CHD6: variants seen among roughly 807,000 people sequenced by gnomAD.
CHD6 encodes the protein chromodomain helicase DNA binding protein 6, also known as ATP-dependent chromatin remodeler CHD6.
A neutral mutation model predicts 276.9 loss-of-function variants in CHD6; 50 were observed. The ratio of observed to expected loss-of-function variants is 0.18; its 90% CI spans 0.14 to 0.23. The LOEUF is 0.23. Among genes scored for constraint, CHD6 ranks in the 10% least tolerant of loss-of-function variants. The pLI, the probability that CHD6 is intolerant of heterozygous loss-of-function variation, is 1.00. For synonymous variants in CHD6, 1,173 were observed against 1,229.3 expected (o/e 0.95, Z 0.96); for missense variants, 2,564 against 3,365.8 (o/e 0.76, Z 5.89).
At chr20:41,544,960 C>T (rs73265433) in intron 2 of CHD6, among the ~76,000 whole-genome samples, 7,621 of 152,040 alleles carry the variant, frequency 0.05, 655 homozygotes, top group African/African-American at 0.18. Flanking sequence ...GTTCAAACTC[C>T]CATCTCATGC....
intron 1 of CHD6, among the ~76,000 whole-genome samples, chr20:41,560,616 C>T (rs1022280981): frequency 3.9e-5 from 6 of 152,132 alleles, no homozygotes; most frequent in Non-Finnish European, 8.8e-5. Context: ...GCACTCAGTG[C>T]CTGACATTTG....
intron 8 of CHD6, among the ~76,000 whole-genome samples, chr20:41,494,707 G>A (rs1471847307): frequency 6.6e-6 from 1 of 152,140 alleles, no homozygotes; most frequent in East Asian, 1.9e-4. Flanking sequence ...GTGCTGAAGA[G>A]CTCTTACTGC....
chr20:41,453,383 ATATTCCTGCT>A (rs536558494), intron 20 of CHD6, among the ~76,000 whole-genome samples: 3,339 of 152,294 alleles, frequency 0.022, 47 homozygotes, highest in Non-Finnish European at 0.038. Flanking sequence ...AGACAAACGC[ATATTCCTGCT>A]TTATTTATCT....
At chr20:41,472,525 C>T (rs969187914) in intron 17 of CHD6, among the ~76,000 whole-genome samples, 14 of 152,328 alleles carry the variant, frequency 9.2e-5, no homozygotes, top group African/African-American at 2.9e-4. Flanking sequence ...ATGCGATATA[C>T]ACTTAAGATG....
intron 1 of CHD6, among the ~76,000 whole-genome samples, chr20:41,612,880 TTTC>T (rs2045901067): frequency 6.6e-6 from 1 of 152,158 alleles, no homozygotes; most frequent in Admixed American, 6.5e-5. Flanking sequence ...TAAACTGATT[TTTC>T]TTCTATTCAA....
At chr20:41,499,787 T>C (rs1399466025) in intron 5 of CHD6, among the ~76,000 whole-genome samples, 2 of 152,144 alleles carry the variant, frequency 1.3e-5, no homozygotes, top group African/African-American at 2.4e-5. Context: ...TCCAAATATA[T>C]TAAAATAGGA....
In CHD6 at chr20:41,498,186, T is replaced by C; in HGVS notation, c.956A>G (p.Tyr319Cys). Reference protein sequence around the residue: ...GEPPFDLELFYVKYRNFSYLH... With the variant: ...GEPPFDLELFCVKYRNFSYLH... Reference sequence around the variant, plus strand: ...GACGTACAAATTTCTATACTTAACGTAGAACAGCTCCAAGTCGAACGGAGG... The same window carrying C: ...GACGTACAAATTTCTATACTTAACGCAGAACAGCTCCAAGTCGAACGGAGG... The change falls in exon 7 of 37, where the codon TAC becomes TGC. Residue 319 changes from tyrosine to cysteine, a missense_variant. Transcript: ENST00000373233. 1.2e-6 allele frequency: 2 copies of C among 1,611,410 alleles called. No homozygotes were observed. The highest frequency in any genetic ancestry group is 1.7e-6 in the Non-Finnish European group (2 of 1,178,734).
chr20:41,452,748 G>A lies in CHD6; in HGVS notation c.3315C>T (p.Leu1105=), dbSNP rs1178256259. ...AECFRVEKNL[L]IFGWGRWKDI... Reference sequence around the variant, plus strand: ...GCAGAGCCAATACCCACCCAAAGATGAGCAGGTTCTTCTCTACCCGGAAGC... The same window carrying A: ...GCAGAGCCAATACCCACCCAAAGATAAGCAGGTTCTTCTCTACCCGGAAGC... The change falls in exon 21 of 37, where the codon CTC becomes CTT. Residue 1105 remains leucine, a synonymous_variant. Coordinates refer to ENST00000373233, the MANE Select transcript of CHD6 (RefSeq NM_032221.5). The surrounding 1 kb of genome is among the most constrained non-coding windows in gnomAD (Gnocchi z 4.2). 2.5e-6 allele frequency: 4 copies of A among 1,612,926 alleles called. No homozygotes were observed. Among genetic ancestry groups the A allele is most frequent in the Non-Finnish European group, 3.4e-6 (4 of 1,179,760 alleles).
At chr20:41,555,002 G>A (rs1356417067) in intron 1 of CHD6, among the ~76,000 whole-genome samples, 1 of 150,422 alleles carries the variant, frequency 6.6e-6, no homozygotes, top group African/African-American at 2.5e-5. Flanking sequence ...GGCTGGCCGG[G>A]CGGGGGGCTG....
At chr20:41,510,289 GC>G (rs2044085941) in intron 5 of CHD6, among the ~76,000 whole-genome samples, 1 of 152,208 alleles carries the variant, frequency 6.6e-6, no homozygotes, top group Non-Finnish European at 1.5e-5. Flanking sequence ...TCCTCAGGAA[GC>G]CCAGTATGTA....
intron 1 of CHD6, among the ~76,000 whole-genome samples, chr20:41,573,731 A>G (rs1374265194): frequency 6.6e-6 from 1 of 152,264 alleles, no homozygotes; most frequent in Non-Finnish European, 1.5e-5. Flanking sequence ...ATGCGAGTTA[A>G]GAGACTGTAT....
Position 41,421,094 on chromosome 20 carries a change from T to C in CHD6, c.5541A>G (p.Leu1847=), listed in dbSNP as rs1238891375. The C allele has an allele frequency of 1.9e-6, 3 of 1,614,072 alleles. No homozygotes were observed. In the African/African-American group the frequency reaches 4.0e-5, roughly 22 times the overall value. Residue 1847 remains leucine (L), a synonymous_variant, in exon 31 of 37, where the codon TTA becomes TTG. Transcript: ENST00000373233. ...NLSSDQQLID[L]LENKSLESKL... is the part of the protein sequence containing the mutation. The stretch of plus-strand genomic sequence containing the variant: ...TACTTTCTAAGCTTTTGTTTTCCAA[T>C]AAATCAATTAATTGCTGATCTGATG...
intron 17 of CHD6, among the ~76,000 whole-genome samples, chr20:41,465,318 A>G (rs749967546): frequency 1.6e-4 from 24 of 152,220 alleles, no homozygotes; most frequent in Non-Finnish European, 1.2e-4. Context: ...ATGTATTCAT[A>G]TCACGCATCC....
At chr20:41,504,405 T>A (rs1361949036) in intron 5 of CHD6, among the ~76,000 whole-genome samples, 8 of 70,530 alleles carry the variant, frequency 1.1e-4, no homozygotes, top group African/African-American at 3.8e-4. Context: ...TCTATTTTCT[T>A]TTTTTTTTTT....
Position 41,415,303 on chromosome 20 carries a change from A to T in CHD6, c.6822T>A (p.Asn2274Lys). The T allele has an allele frequency of 6.2e-7, 1 of 1,614,138 alleles. No individual in the cohort carries two copies. The highest frequency in any genetic ancestry group is 8.5e-7 in the Non-Finnish European group (1 of 1,180,022). ...CTGCATCATCTCTTCTGAGGCTTCCATTGACAATCTGTCCAGTCACAGGAT... is the reference window on the plus strand; with the variant it reads ...CTGCATCATCTCTTCTGAGGCTTCCTTTGACAATCTGTCCAGTCACAGGAT... ...LIHPVTGQIV[N>K]GSLRRDDAAT... is the part of the protein sequence containing the mutation. Residue 2274 changes from asparagine to lysine, a missense_variant, in exon 34 of 37, where the codon AAT (asparagine) becomes AAA (lysine). Coordinates refer to ENST00000373233, the MANE Select transcript of CHD6 (RefSeq NM_032221.5).
intron 27 of CHD6, among the ~76,000 whole-genome samples, chr20:41,432,981 C>T (rs1600845579): frequency 6.6e-6 from 1 of 151,358 alleles, no homozygotes; most frequent in Non-Finnish European, 1.5e-5. Context: ...AAAATGAAAA[C>T]CCAAAACCCT....
intron 4 of CHD6, among the ~76,000 whole-genome samples, chr20:41,514,397 G>T (rs1382461738): frequency 6.6e-6 from 1 of 152,212 alleles, no homozygotes; most frequent in East Asian, 1.9e-4. Context: ...TTACTTGTTG[G>T]CATAATGGAT....
At chr20:41,555,391 G>A (rs1219886330) in intron 1 of CHD6, among the ~76,000 whole-genome samples, 1 of 150,392 alleles carries the variant, frequency 6.6e-6, no homozygotes, top group African/African-American at 2.4e-5. Flanking sequence ...CCCGGACGGG[G>A]CGGCTGGCCG....
chr20:41,606,375 G>A (rs1162352196), intron 1 of CHD6, among the ~76,000 whole-genome samples: 1 of 152,198 alleles, frequency 6.6e-6, no homozygotes, highest in Admixed American at 6.5e-5. Flanking sequence ...TTAGCCAGGC[G>A]TGGTGGCGGG....
Sources: allele counts gnomAD v4.1 joint callset (sites outside exome capture counted in the v4.1 genomes callset), GRCh38; gene constraint gnomAD v4.1.1; non-coding constraint Gnocchi (gnomAD v3.1); transcripts MANE v1.5; gene names NCBI Gene and HGNC (gene_info 2026-07-23, HGNC 2026-07-21).